OSBP2: variants seen among roughly 807,000 people sequenced by gnomAD.
OSBP2 encodes oxysterol binding protein 2.
In OSBP2, 66 loss-of-function variants were observed where a neutral mutation model predicts 96.0. That is an observed-to-expected ratio of 0.69 (90% CI 0.56 to 0.84). The LOEUF (loss-of-function observed/expected upper bound fraction) is 0.84. OSBP2 is among the 40% of genes least tolerant of loss of function. The pLI is 0.00. For synonymous variants in OSBP2, 525 were observed against 520.9 expected, an observed-to-expected ratio of 1.01 and a Z score of -0.11; for missense variants, 1,038 against 1,222.7, an observed-to-expected ratio of 0.85 and a Z score of 2.25.
intron 3 of OSBP2, among the ~76,000 whole-genome samples, chr22:30,880,044 T>G (rs1017548721): frequency 6.6e-6 from 1 of 151,302 alleles, no homozygotes; most frequent in Non-Finnish European, 1.5e-5. Context: ...AGCAAGACTC[T>G]GTCTCAAAAA....
chr22:30,711,408 T>C (rs1602155425), intron 1 of OSBP2, among the ~76,000 whole-genome samples: 1 of 152,000 alleles, frequency 6.6e-6, no homozygotes, highest in African/African-American at 2.4e-5. Flanking sequence ...TCTTTAAAGA[T>C]AGAATATATT....
At chr22:30,715,552 G>T (rs5997738) in intron 1 of OSBP2, among the ~76,000 whole-genome samples, 1 of 72,322 alleles carries the variant, frequency 1.4e-5, no homozygotes, top group Non-Finnish European at 3.2e-5. Context: ...CTAATTTTTA[G>T]ATTTTTTTTT....
intron 3 of OSBP2, among the ~76,000 whole-genome samples, chr22:30,883,933 G>GGTGA (rs1301578532): frequency 6.6e-6 from 1 of 152,158 alleles, no homozygotes; most frequent in Admixed American, 6.5e-5. Context: ...CAGGGTTGTG[G>GGTGA]GTGAAGCAGG....
intron 1 of OSBP2, among the ~76,000 whole-genome samples, chr22:30,709,585 G>A (rs534035716): frequency 3.3e-5 from 5 of 150,682 alleles, no homozygotes; most frequent in South Asian, 2.1e-4. Flanking sequence ...GTATGATTTC[G>A]GCTTACTGCA....
At chr22:30,830,796 G>C (rs2038504814) in intron 2 of OSBP2, among the ~76,000 whole-genome samples, 1 of 151,730 alleles carries the variant, frequency 6.6e-6, no homozygotes, top group East Asian at 1.9e-4. Context: ...TTTCCATAGC[G>C]CCATTATCCC....
chr22:30,764,356 G>A (rs141715568), intron 2 of OSBP2: 902 of 985,414 alleles, frequency 9.2e-4, no homozygotes, highest in Middle Eastern at 6.8e-3. Context: ...TGGACAGCCT[G>A]CCACCCTATT....
chr22:30,753,319 G>T (rs2090100778), intron 2 of OSBP2, among the ~76,000 whole-genome samples: 2 of 152,078 alleles, frequency 1.3e-5, no homozygotes, highest in South Asian at 4.2e-4. Flanking sequence ...TGGAGATGGA[G>T]GTGAGGAGGG....
rs566334052 is a variant in OSBP2, at chr22:30,905,134, CTT to C, written c.2376-674_2376-673del. ...GCCTGGGCCACAGAGCGAGACCCGTCTTTTTTTTTTTTTTTTTTTTTTTTTTT... is the reference window on the plus strand; with the variant it reads ...GCCTGGGCCACAGAGCGAGACCCGTCTTTTTTTTTTTTTTTTTTTTTTTTT... On this transcript the variant is annotated intron_variant, in intron 12 of 13. Coordinates refer to ENST00000332585, the MANE Select transcript of OSBP2 (RefSeq NM_030758.4). 6.8e-3 allele frequency among the ~76,000 whole-genome samples: 470 copies of C among 68,644 alleles called. 2 individuals carry two copies. Among genetic ancestry groups the C allele is most frequent in the African/African-American group, 0.022 (374 of 17,236 alleles). 45.0% of individuals were successfully genotyped at this position (68,644 alleles called of 152,430 possible).
intron 12 of OSBP2, chr22:30,902,502 C>T (rs775326224): frequency 5.8e-5 from 91 of 1,556,812 alleles, no homozygotes; most frequent in East Asian, 1.4e-4. Flanking sequence ...TACCAGATGA[C>T]GAAGCTTCAG....
At chr22:30,886,687 C>G (rs150654023) in intron 3 of OSBP2, among the ~76,000 whole-genome samples, 7 of 152,106 alleles carry the variant, frequency 4.6e-5, no homozygotes, top group Admixed American at 3.3e-4. Flanking sequence ...AAGTAAGTCA[C>G]GATATATAGG....
intron 2 of OSBP2, among the ~76,000 whole-genome samples, chr22:30,829,302 T>G (rs1400369899): frequency 2.6e-5 from 4 of 152,204 alleles, no homozygotes; most frequent in Admixed American, 6.5e-5. Context: ...GTTTAGTTAT[T>G]TTTTTGAGAC....
At chr22:30,905,143 T>TC (rs2147200277) in intron 12 of OSBP2, among the ~76,000 whole-genome samples, 1 of 55,738 alleles carries the variant, frequency 1.8e-5, no homozygotes, top group East Asian at 1.8e-3. Context: ...TCTTTTTTTT[T>TC]TTTTTTTTTT....
At chr22:30,768,850 G>C (rs2090312449) in intron 2 of OSBP2, among the ~76,000 whole-genome samples, 1 of 152,166 alleles carries the variant, frequency 6.6e-6, no homozygotes. Flanking sequence ...CTTTGTTACT[G>C]TTTAGGTGTT....
At chr22:30,886,448 T>C (rs997227675) in intron 3 of OSBP2, among the ~76,000 whole-genome samples, 2 of 152,102 alleles carry the variant, frequency 1.3e-5, no homozygotes, top group African/African-American at 4.8e-5. Context: ...AAATGTTTCC[T>C]AATCAGACCT....
chr22:30,816,641 C>T (rs1423463624), intron 2 of OSBP2, among the ~76,000 whole-genome samples: 1 of 152,250 alleles, frequency 6.6e-6, no homozygotes, highest in East Asian at 1.9e-4. Context: ...GTTGCCCCTA[C>T]CAGCAGAGGG....
At chr22:30,809,468 AC>A in intron 2 of OSBP2, among the ~76,000 whole-genome samples, 1 of 152,274 alleles carries the variant, frequency 6.6e-6, no homozygotes, top group East Asian at 1.9e-4. Context: ...GAAGGCTCAT[AC>A]CCCATGTTCA....
At chr22:30,721,028 T>C (rs136379) in intron 1 of OSBP2, among the ~76,000 whole-genome samples, 94,467 of 151,932 alleles carry the variant, frequency 0.62, 30,083 homozygotes, top group Non-Finnish European at 0.71. Context: ...AGTTCGAGAC[T>C]AGCCTGGTCA....
intron 2 of OSBP2, among the ~76,000 whole-genome samples, chr22:30,845,666 G>A (rs1398830400): frequency 2.6e-5 from 4 of 151,874 alleles, no homozygotes; most frequent in African/African-American, 9.6e-5. Context: ...AGCAGATCAT[G>A]AGGTCAGGAG....
At chr22:30,710,579 C>T (rs1386783605) in intron 1 of OSBP2, among the ~76,000 whole-genome samples, 1 of 151,712 alleles carries the variant, frequency 6.6e-6, no homozygotes, top group Non-Finnish European at 1.5e-5. Flanking sequence ...AAAACATGTT[C>T]CAGGCTCTTC....
Sources: gnomAD v4.1 joint callset for allele counts (sites outside exome capture counted in the v4.1 genomes callset) on GRCh38, gnomAD v4.1.1 for gene constraint, MANE v1.5 for transcripts, NCBI Gene and HGNC (gene_info 2026-07-23, HGNC 2026-07-21) for gene names.